OR4F16: variants seen among roughly 807,000 people sequenced by gnomAD.
The protein encoded by OR4F16 is olfactory receptor family 4 subfamily F member 16, also known as olfactory receptor 4F3/4F16/4F29.
At chr1:690,679 C>CAA (rs1357602815), upstream of OR4F16, among the ~76,000 whole-genome samples, 21 of 119,666 alleles carry the variant, frequency 1.8e-4, no homozygotes, top group Non-Finnish European at 9.9e-5. Context: ...GTTAACGTAA[C>CAA]AAAGTTCCTA....
the OR4F16 span, chr1:711,949 C>T: frequency 1.0e-5 from 1 of 97,250 alleles, no homozygotes; most frequent in Non-Finnish European, 1.9e-5. Context: ...AGGAAAATCA[C>T]ATGGAAAGTT....
At chr1:701,906 TTAAAA>T in the OR4F16 span, 3 of 151,350 alleles carry the variant, frequency 2.0e-5, no homozygotes, top group Admixed American at 6.6e-5. Flanking sequence ...GCCCCTAAAC[TTAAAA>T]TAAAAGTTAA....
At chr1:692,841 TTTAGAAA>T in the OR4F16 span, among the ~76,000 whole-genome samples, 1 of 128,984 alleles carries the variant, frequency 7.8e-6, no homozygotes, top group Non-Finnish European at 1.6e-5. Context: ...TAGGTCCATT[TTTAGAAA>T]TTAGAAAGTT....
chr1:690,905 TATA>T (rs1251077619), upstream of OR4F16, among the ~76,000 whole-genome samples: 1 of 147,972 alleles, frequency 6.8e-6, no homozygotes, highest in Non-Finnish European at 1.5e-5. Flanking sequence ...AGAGAAAAAT[TATA>T]ATGTTCCCAA....
downstream of OR4F16, among the ~76,000 whole-genome samples, chr1:682,977 C>T (rs1489156897): frequency 9.7e-6 from 1 of 103,586 alleles, no homozygotes; most frequent in East Asian, 2.8e-4. Flanking sequence ...CAATAAGATG[C>T]AGCTGGTCAG....
At chr1:715,918 T>C in the OR4F16 span, among the ~76,000 whole-genome samples, 1 of 147,762 alleles carries the variant, frequency 6.8e-6, no homozygotes, top group Non-Finnish European at 1.5e-5. Context: ...CATTAAAAGC[T>C]TTCTTCCCAA....
the OR4F16 span, among the ~76,000 whole-genome samples, chr1:679,986 A>T: frequency 1.5e-5 from 2 of 135,100 alleles, no homozygotes; most frequent in African/African-American, 6.0e-5. Context: ...TGGCAAACCA[A>T]ATCCAGCAGC....
chr1:714,376 AGAAGAATATGAGACATT>A, the OR4F16 span, among the ~76,000 whole-genome samples: 2 of 3,652 alleles, frequency 5.5e-4, 1 homozygote, highest in Non-Finnish European at 0.021. Flanking sequence ...ACAATTACAT[AGAAGAATATGAGACATT>A]TCCCTAATCA....
At chr1:713,999 CAT>C in the OR4F16 span, among the ~76,000 whole-genome samples, 6 of 144,000 alleles carry the variant, frequency 4.2e-5, no homozygotes, top group Non-Finnish European at 6.0e-5. Flanking sequence ...ATTATATACA[CAT>C]ATGCATGTGT....
At chr1:701,907 T>C in the OR4F16 span, 6 of 151,238 alleles carry the variant, frequency 4.0e-5, no homozygotes, top group Non-Finnish European at 8.8e-5. Context: ...CCCCTAAACT[T>C]AAAATAAAAG....
chr1:715,900 T>G, the OR4F16 span, among the ~76,000 whole-genome samples: 1 of 148,488 alleles, frequency 6.7e-6, no homozygotes, highest in Admixed American at 6.7e-5. Context: ...TAAGAAAAAT[T>G]AGGGGAACAT....
upstream of OR4F16, among the ~76,000 whole-genome samples, chr1:691,056 C>CA (rs1322028964): frequency 1.3e-5 from 2 of 148,892 alleles, no homozygotes; most frequent in Non-Finnish European, 1.5e-5. Flanking sequence ...TAAAAAACAA[C>CA]AAAAAAACCA....
At chr1:689,929 CATAA>C (rs1643033451), upstream of OR4F16, among the ~76,000 whole-genome samples, 3 of 80,166 alleles carry the variant, frequency 3.7e-5, no homozygotes, top group Non-Finnish European at 6.2e-5. Flanking sequence ...TTAAAAAGAA[CATAA>C]ATAAAATAAA....
chr1:702,021 G>A, the OR4F16 span: 61 of 147,176 alleles, frequency 4.1e-4, no homozygotes, highest in Middle Eastern at 3.4e-3. Context: ...ATGAGGCATC[G>A]GGAGTTAGTA....
At chr1:691,306 CCT>C (rs200090570), upstream of OR4F16, among the ~76,000 whole-genome samples, 7,413 of 147,348 alleles carry the variant, frequency 0.05, 1 homozygote, top group South Asian at 0.088. Context: ...TTAAATACTC[CCT>C]GATTCTCAGG....
At chr1:701,374 G>A in the OR4F16 span, among the ~76,000 whole-genome samples, 4 of 149,776 alleles carry the variant, frequency 2.7e-5, no homozygotes, top group Non-Finnish European at 5.9e-5. Flanking sequence ...TACCGAAAAA[G>A]TTTGTGGATC....
At chr1:680,128 C>T in the OR4F16 span, among the ~76,000 whole-genome samples, 6 of 104,882 alleles carry the variant, frequency 5.7e-5, no homozygotes, top group African/African-American at 2.0e-4. Flanking sequence ...ATGCTTCTCT[C>T]AATAGATGCA....
At chr1:715,786 T>C in the OR4F16 span, among the ~76,000 whole-genome samples, 2 of 148,792 alleles carry the variant, frequency 1.3e-5, no homozygotes, top group African/African-American at 2.5e-5. Flanking sequence ...GAGCTGTGAT[T>C]GCACCACTGC....
the OR4F16 span, chr1:702,391 T>C: frequency 6.6e-6 from 1 of 150,866 alleles, no homozygotes; most frequent in Non-Finnish European, 1.5e-5. Flanking sequence ...ATTTTGCAAG[T>C]GTTACCACTA....
Sources: allele counts gnomAD v4.1 joint callset (sites outside exome capture counted in the v4.1 genomes callset), GRCh38; gene constraint gnomAD v4.1.1; transcripts MANE v1.5; gene names NCBI Gene and HGNC (gene_info 2026-07-23, HGNC 2026-07-21).